TOP1: variants seen among roughly 807,000 people sequenced by gnomAD.
TOP1 encodes the protein DNA topoisomerase I, also known as DNA topoisomerase 1.
TOP1 carries 10 observed loss-of-function variants against 111.1 expected under a neutral mutation model. The observed-to-expected ratio is 0.09, with a 90% CI of 0.06 to 0.15. TOP1 has a LOEUF of 0.15. TOP1 is among the 10% of genes least tolerant of loss of function. The pLI is 1.00. For missense variants in TOP1, 474 were observed against 926.7 expected (o/e 0.51, Z 6.34); for synonymous variants, 271 against 302.9 (o/e 0.89, Z 1.10).
Position 41,101,139 on chromosome 20 carries a change from C to T in TOP1, c.1164-70C>T. The T allele has an allele frequency of 6.4e-7, 1 of 1,557,216 alleles. No homozygotes were observed. The highest frequency in any genetic ancestry group is 8.8e-7 in the Non-Finnish European group (1 of 1,132,952). On this transcript the variant is annotated intron_variant, in intron 12 of 20. Coordinates refer to ENST00000361337, the MANE Select transcript of TOP1 (RefSeq NM_003286.4). This position sits in a 1 kb window ranked among gnomAD's most constrained non-coding sequence, Gnocchi z 4.1. Reference sequence around the variant, plus strand: ...AAATTATGCTCAGCAGATAGGTCCACTTGGGGTCATGAAAGGTGAAATTAT... The same window carrying T: ...AAATTATGCTCAGCAGATAGGTCCATTTGGGGTCATGAAAGGTGAAATTAT...
Position 41,098,177 on chromosome 20 carries a change from G to A in TOP1, c.853-38G>A, listed in dbSNP as rs772923425. 1.1e-5 allele frequency: 18 copies of A among 1,608,998 alleles called. No homozygotes were observed. The highest frequency in any genetic ancestry group is 1.7e-5 in the Admixed American group (1 of 59,946). Reference sequence around the variant, plus strand: ...CCCAAGGACTTATTAGTGTATTTTCGTTGTTTTTCTTTCATCTCCCCATTT... The same window carrying A: ...CCCAAGGACTTATTAGTGTATTTTCATTGTTTTTCTTTCATCTCCCCATTT... On this transcript the variant is annotated intron_variant, in intron 10 of 20. Coordinates refer to ENST00000361337, the MANE Select transcript of TOP1 (RefSeq NM_003286.4). This position sits in a 1 kb window ranked among gnomAD's most constrained non-coding sequence, Gnocchi z 5.7.
chr20:41,081,820 A>G (rs890538463), intron 7 of TOP1, among the ~76,000 whole-genome samples: 2 of 152,110 alleles, frequency 1.3e-5, no homozygotes, highest in Admixed American at 1.3e-4. Context: ...GATTCTTTCA[A>G]ACTTCCGAGC....
In TOP1 at chr20:41,061,993, G is replaced by C. The variant is rs1002896791; in HGVS notation, c.155+503G>C. Among the ~76,000 whole-genome samples the C allele has an allele frequency of 1.3e-5, 2 of 152,190 alleles. No individual in the cohort carries two copies. The highest frequency in any genetic ancestry group is 3.8e-4 in the East Asian group (2 of 5,200). On this transcript the variant is annotated intron_variant, in intron 3 of 20. Transcript: ENST00000361337. This position sits in a 1 kb window ranked among gnomAD's most constrained non-coding sequence, Gnocchi z 4.6. ...ATTTGTAGCTTTCATCATGTTATCA[G>C]AGGAGTTCGGCTCCCACAAAAGCCT...
chr20:41,059,603 AAG>A (rs961183188), intron 2 of TOP1, among the ~76,000 whole-genome samples: 7 of 151,302 alleles, frequency 4.6e-5, no homozygotes, highest in East Asian at 1.9e-4. Flanking sequence ...TTCCCTGCAA[AAG>A]AGAGAGAGAG....
chr20:41,031,096 G>GA (rs1174308398), intron 2 of TOP1, among the ~76,000 whole-genome samples: 1 of 152,196 alleles, frequency 6.6e-6, no homozygotes, highest in Non-Finnish European at 1.5e-5. Context: ...GGTGACTTCT[G>GA]AGCTGGGGGT....
chr20:41,034,528 T>TG lies in TOP1; in HGVS notation c.58+5078dup, dbSNP rs1311597444. Among the ~76,000 whole-genome samples the TG allele has an allele frequency of 6.6e-6, 1 of 152,132 alleles. No individual in the cohort carries two copies. Among genetic ancestry groups the TG allele is most frequent in the African/African-American group, 2.4e-5 (1 of 41,442 alleles). On this transcript the variant is annotated intron_variant, in intron 2 of 20. Coordinates refer to ENST00000361337, the MANE Select transcript of TOP1 (RefSeq NM_003286.4). The surrounding 1 kb of genome is among the most constrained non-coding windows in gnomAD (Gnocchi z 4.0). ...GAGGGCAGGGTGGACAAAGTTTGAT[T>TG]GGGGGTTGCGGGGAAGCTTGTAGAG...
At position 41,076,258 on chromosome 20, in the gene TOP1, TAAAGAC is replaced by T. The variant is rs911983921; in HGVS notation, c.245_250del (p.Lys82_Asp83del). ...GCTCAGAAAAGCATAAAGACAAACA[TAAAGAC>T]AGAGACAAGGAAAAACGAAAAGAGG... is the stretch of plus-strand genomic sequence containing the variant. On this transcript the variant is annotated inframe_deletion, in exon 4 of 21. Coordinates refer to ENST00000361337, the MANE Select transcript of TOP1 (RefSeq NM_003286.4). 1.0e-5 allele frequency: 16 copies of T among 1,606,968 alleles called. No individual in the cohort carries two copies. The highest frequency in any genetic ancestry group is 1.3e-5 in the African/African-American group (1 of 74,610).
Position 41,114,134 on chromosome 20 carries a change from C to T in TOP1, c.1617C>T (p.Asn539=). Residue 539 remains asparagine, a synonymous_variant, in exon 15 of 21, where the codon AAC becomes AAT. Coordinates refer to ENST00000361337, the MANE Select transcript of TOP1 (RefSeq NM_003286.4). This position sits in a 1 kb window ranked among gnomAD's most constrained non-coding sequence, Gnocchi z 4.5. ...GGAAGGACTCCATCAGATACTATAA[C>T]AAGGTCCCTGTTGAGAAACGAGTAA... ...FLGKDSIRYY[N]KVPVEKRVFK... is the part of the protein sequence containing the mutation. 1 of 1,613,782 alleles carries T rather than the reference C, an allele frequency of 6.2e-7. No individual in the cohort carries two copies. Among genetic ancestry groups the T allele is most frequent in the Non-Finnish European group, 8.5e-7 (1 of 1,179,848 alleles).
intron 13 of TOP1, among the ~76,000 whole-genome samples, chr20:41,104,376 C>T (rs1464860563): frequency 2.0e-5 from 3 of 152,116 alleles, no homozygotes; most frequent in Admixed American, 6.5e-5. Context: ...CAAGAAACAG[C>T]GATGACTTAA....
Position 41,110,203 on chromosome 20 carries a change from T to A in TOP1, c.1309-2579T>A, listed in dbSNP as rs1383789113. 6.6e-6 allele frequency among the ~76,000 whole-genome samples: 1 copy of A among 152,158 alleles called. No homozygotes were observed. The highest frequency in any genetic ancestry group is 1.5e-5 in the Non-Finnish European group (1 of 68,022). ...AGGAGGCTGAGACATGGGAATCGCTTGAACCTGAGGGGTAGAGGTTGCACT... is the reference window on the plus strand; with the variant it reads ...AGGAGGCTGAGACATGGGAATCGCTAGAACCTGAGGGGTAGAGGTTGCACT... On this transcript the variant is annotated intron_variant, in intron 13 of 20. Transcript: ENST00000361337. This position sits in a 1 kb window ranked among gnomAD's most constrained non-coding sequence, Gnocchi z 4.2.
rs1466190769 is a variant in TOP1 at position 41,123,284 on chromosome 20, A to T, written c.2285A>T (p.Asp762Val). Residue 762 changes from aspartate (D) to valine (V), a missense_variant, in exon 21 of 21, where the codon GAC (aspartate) becomes GTC (valine). Coordinates refer to ENST00000361337, the MANE Select transcript of TOP1 (RefSeq NM_003286.4). This position sits in a 1 kb window ranked among gnomAD's most constrained non-coding sequence, Gnocchi z 5.8. ...FAWAIDMADE[D>V]YEF Reference sequence around the variant, plus strand: ...TGGGCCATTGACATGGCTGATGAAGACTATGAGTTTTAGCCAGTCTCAAGA... The same window carrying T: ...TGGGCCATTGACATGGCTGATGAAGTCTATGAGTTTTAGCCAGTCTCAAGA... 1.2e-6 allele frequency: 2 copies of T among 1,613,220 alleles called. No individual in the cohort carries two copies. The highest frequency in any genetic ancestry group is 1.7e-6 in the Non-Finnish European group (2 of 1,179,182).
In TOP1 at chr20:41,029,382, A is replaced by G. The variant is rs1600546934; in HGVS notation, c.34-49A>G. The G allele has an allele frequency of 7.0e-7, 1 of 1,428,410 alleles. No individual in the cohort carries two copies. Among genetic ancestry groups the G allele is most frequent in the Non-Finnish European group, 9.2e-7 (1 of 1,085,824 alleles). The allele number at this position is 1,428,410 out of a possible 1,614,324, so 88.5% of individuals were successfully genotyped here. A position where few individuals can be genotyped will look rare whatever the true frequency, so the allele number is the denominator to read the frequency against. ...CCCGGCCGCGCGCGCTCGCCGCCGGAGGGGTTAAAGTGGCTGTTGTTTGAT... is the reference window on the plus strand; with the variant it reads ...CCCGGCCGCGCGCGCTCGCCGCCGGGGGGGTTAAAGTGGCTGTTGTTTGAT... On this transcript the variant is annotated intron_variant, in intron 1 of 20. Coordinates refer to ENST00000361337, the MANE Select transcript of TOP1 (RefSeq NM_003286.4). This position sits in a 1 kb window ranked among gnomAD's most constrained non-coding sequence, Gnocchi z 6.1.
chr20:41,066,623 C>T (rs908566488), intron 3 of TOP1, among the ~76,000 whole-genome samples: 4 of 145,888 alleles, frequency 2.7e-5, no homozygotes, highest in Non-Finnish European at 5.9e-5. Context: ...GACACAATCT[C>T]GGCTCACTGC....
chr20:41,111,469 T>A (rs901566243), intron 13 of TOP1, among the ~76,000 whole-genome samples: 7 of 152,224 alleles, frequency 4.6e-5, no homozygotes, highest in African/African-American at 1.7e-4. Flanking sequence ...AGATGACTCC[T>A]TAGCTTAACT....
At chr20:41,039,533 A>G (rs2033233677) in intron 2 of TOP1, among the ~76,000 whole-genome samples, 1 of 152,168 alleles carries the variant, frequency 6.6e-6, no homozygotes, top group Non-Finnish European at 1.5e-5. Flanking sequence ...TGCCTGAAAT[A>G]GGCAAAAAGA....
intron 8 of TOP1, among the ~76,000 whole-genome samples, chr20:41,084,769 T>C (rs1336775137): frequency 6.6e-6 from 1 of 152,236 alleles, no homozygotes; most frequent in African/African-American, 2.4e-5. Flanking sequence ...GATCTCAAAC[T>C]GGTTTCCACC....
rs182631218 is a variant in TOP1, at chr20:41,051,658, G to A, written c.59-9736G>A. Among the ~76,000 whole-genome samples the A allele has an allele frequency of 2.4e-3, 367 of 152,164 alleles. 1 individual carries two copies. The highest frequency in any genetic ancestry group is 7.8e-3 in the African/African-American group (325 of 41,516). On this transcript the variant is annotated intron_variant, in intron 2 of 20. Transcript: ENST00000361337. ...ACCTGTAAGTTCGTTAGGCTTCCGG[G>A]TACCAGGGTTGTTAGAGTAGGCCAC...
At chr20:41,035,107 G>T (rs2033168322) in intron 2 of TOP1, among the ~76,000 whole-genome samples, 1 of 152,028 alleles carries the variant, frequency 6.6e-6, no homozygotes, top group South Asian at 2.1e-4. Flanking sequence ...GCCCAGGCTG[G>T]TCTTGAACCC....
chr20:41,053,377 G>A (rs538215975), intron 2 of TOP1, among the ~76,000 whole-genome samples: 24 of 152,110 alleles, frequency 1.6e-4, no homozygotes, highest in Non-Finnish European at 3.2e-4. Flanking sequence ...TGGTGGAACC[G>A]GGCTGTTTTA....
Sources: allele counts gnomAD v4.1 joint callset (sites outside exome capture counted in the v4.1 genomes callset), GRCh38; gene constraint gnomAD v4.1.1; non-coding constraint Gnocchi (gnomAD v3.1); transcripts MANE v1.5; gene names NCBI Gene and HGNC (gene_info 2026-07-23, HGNC 2026-07-21).